The following TXLNG variants were observed in gnomAD, a reference collection of about 807,000 sequenced individuals.
TXLNG encodes the protein gamma-taxilin.
In TXLNG, 5 loss-of-function variants were observed where a neutral mutation model predicts 38.8. The ratio of observed to expected loss-of-function variants is 0.13; its 90% CI spans 0.07 to 0.27. The LOEUF is 0.27. Ranked by LOEUF, TXLNG falls within the 10% of genes least tolerant of loss-of-function variation. The pLI is 1.00. For synonymous variants in TXLNG, 182 were observed against 158.2 expected (o/e 1.15, Z -1.13); for missense variants, 393 against 398.2 (o/e 0.99, Z 0.11).
rs913889038 is a variant in TXLNG, at chrX:16,786,664, T to C, written c.102+75T>C. On this transcript the variant is annotated intron_variant, in intron 1 of 9. Transcript: ENST00000380122. ...GCTCCCTTTTTCAGGGTCCACCTCT[T>C]CTCTCTCCCTGGTTACCTATAGCCA... The C allele has an allele frequency of 5.1e-5, 37 of 718,972 alleles. No homozygotes were observed. The African/African-American group carries it at 7.9e-4, about 15-fold the overall frequency. 59.3% of individuals were successfully genotyped at this position (718,972 alleles called of 1,213,427 possible).
chrX:16,841,616 C>G lies in TXLNG; in HGVS notation c.1437C>G (p.Pro479=), dbSNP rs1929832311. ...ATTTAGCAACACCTGTGATGCAGCCCTGTACTGCCCTGGATTCTCACAAGG... is the reference window on the plus strand; with the variant it reads ...ATTTAGCAACACCTGTGATGCAGCCGTGTACTGCCCTGGATTCTCACAAGG... ...NRDLATPVMQ[P]CTALDSHKEL... is the part of the protein sequence containing the mutation. The change falls in exon 10 of 10, where the codon CCC becomes CCG. Residue 479 remains proline, a synonymous_variant. Coordinates refer to ENST00000380122, the MANE Select transcript of TXLNG (RefSeq NM_018360.3). 8.3e-7 allele frequency: 1 copy of G among 1,209,595 alleles called. No homozygotes were observed. Among genetic ancestry groups the G allele is most frequent in the Admixed American group, 2.2e-5 (1 of 45,687 alleles).
At chrX:16,821,408 G>A (rs1193202823) in intron 3 of TXLNG, among the ~76,000 whole-genome samples, 1 of 111,680 alleles carries the variant, frequency 9.0e-6, no homozygotes, top group Non-Finnish European at 1.9e-5. Flanking sequence ...CAAAGTTCTG[G>A]CATTACAGGC....
chrX:16,806,916 CAAAA>C (rs1182577038), intron 1 of TXLNG, among the ~76,000 whole-genome samples: 1 of 38,919 alleles, frequency 2.6e-5, no homozygotes, highest in Non-Finnish European at 4.7e-5. Context: ...GACTCTGTCT[CAAAA>C]AAAAAAAAAA....
intron 3 of TXLNG, among the ~76,000 whole-genome samples, chrX:16,826,355 T>G (rs1261204799): frequency 3.6e-5 from 4 of 112,377 alleles, no homozygotes; most frequent in Non-Finnish European, 7.5e-5. Context: ...TGATATGTTT[T>G]GGTAGGCCAC....
At chrX:16,812,408 T>G (rs1452953247) in intron 1 of TXLNG, among the ~76,000 whole-genome samples, 3 of 106,254 alleles carry the variant, frequency 2.8e-5, no homozygotes, top group African/African-American at 1.0e-4. Flanking sequence ...TTTTTTTTTT[T>G]TTTGTGAGAC....
rs1929877500 is a variant in TXLNG at position 16,842,160 on chromosome X, C to G, written c.*394C>G. 9.1e-6 allele frequency: 1 copy of G among 110,020 alleles called. No homozygotes were observed. Among genetic ancestry groups the G allele is most frequent in the African/African-American group, 3.5e-5 (1 of 28,800 alleles). 9.1% of individuals were successfully genotyped at this position (110,020 alleles called of 1,213,427 possible). A position where few individuals can be genotyped will look rare whatever the true frequency, so the allele number is the denominator to read the frequency against. The stretch of plus-strand genomic sequence containing the variant: ...AATTTAAACGTCTTAGCCCCCCCCC[C>G]CATAATATTATTCAGAAAAACAAAA... On this transcript the variant is annotated 3_prime_UTR_variant, in exon 10 of 10. Coordinates refer to ENST00000380122, the MANE Select transcript of TXLNG (RefSeq NM_018360.3).
intron 1 of TXLNG, among the ~76,000 whole-genome samples, chrX:16,796,236 C>T (rs1241424282): frequency 1.2e-4 from 13 of 110,156 alleles, no homozygotes; most frequent in Non-Finnish European, 1.9e-4. Context: ...CTCCTGGGCT[C>T]GAGGGATCCT....
At chrX:16,811,071 A>G (rs142669592) in intron 1 of TXLNG, among the ~76,000 whole-genome samples, 58 of 111,751 alleles carry the variant, frequency 5.2e-4, no homozygotes, top group African/African-American at 1.5e-3. Flanking sequence ...TATGCTCCCC[A>G]TCAGTTGGCA....
chrX:16,787,049 C>A (rs759013007), intron 1 of TXLNG, among the ~76,000 whole-genome samples: 1 of 113,116 alleles, frequency 8.8e-6, no homozygotes, highest in Non-Finnish European at 1.9e-5. Context: ...GCAGGGCGCG[C>A]TGCGGGGTGC....
At chrX:16,834,904 G>T (rs1410391933) in intron 7 of TXLNG, among the ~76,000 whole-genome samples, 1 of 111,207 alleles carries the variant, frequency 9.0e-6, no homozygotes, top group African/African-American at 3.3e-5. Context: ...GCTGGGTGTG[G>T]TGGCACGCCT....
chrX:16,829,547 T>C (rs1442547895), intron 4 of TXLNG, 29 bp from the exon 5 acceptor site: 2 of 1,194,768 alleles, frequency 1.7e-6, no homozygotes, highest in Non-Finnish European at 2.3e-6. Context: ...AGGTCTGTAT[T>C]ATTAACAAAA....
intron 1 of TXLNG, among the ~76,000 whole-genome samples, chrX:16,793,113 G>A (rs7877889): frequency 0.42 from 44,799 of 106,033 alleles, 8,566 homozygotes; most frequent in Non-Finnish European, 0.59. Context: ...AAAAAAAAAA[G>A]TATACAATAA....
rs188414090 is a variant in TXLNG at position 16,790,667 on chromosome X, G to C, written c.102+4078G>C. ...TGGAAGGATAATACAAGGTACCTAG[G>C]CCCAAATTAACAAAATCTTGCATTT... On this transcript the variant is annotated intron_variant, in intron 1 of 9. Coordinates refer to ENST00000380122, the MANE Select transcript of TXLNG (RefSeq NM_018360.3). Among the ~76,000 whole-genome samples, 120 of 111,732 alleles carry C rather than the reference G, an allele frequency of 1.1e-3. 1 individual carries two copies. Among genetic ancestry groups the C allele is most frequent in the African/African-American group, 3.9e-3 (120 of 30,753 alleles).
intron 1 of TXLNG, among the ~76,000 whole-genome samples, chrX:16,799,040 C>T (rs931615457): frequency 2.7e-5 from 3 of 110,243 alleles, no homozygotes; most frequent in Non-Finnish European, 5.7e-5. Context: ...CCACCACGCC[C>T]GGCTAATTTT....
At chrX:16,838,786 CAG>C (rs762168086) in intron 8 of TXLNG, among the ~76,000 whole-genome samples, 12 of 111,993 alleles carry the variant, frequency 1.1e-4, no homozygotes, top group Admixed American at 1.9e-4. Flanking sequence ...TGAGGTGGAA[CAG>C]AGAGTTCCCG....
At chrX:16,834,681 C>G (rs1045223418) in intron 7 of TXLNG, among the ~76,000 whole-genome samples, 1 of 111,590 alleles carries the variant, frequency 9.0e-6, no homozygotes, top group Non-Finnish European at 1.9e-5. Context: ...TAATTCCTCC[C>G]TTTTTCAGTC....
chrX:16,800,065 G>A (rs947823247), intron 1 of TXLNG, among the ~76,000 whole-genome samples: 8 of 107,559 alleles, frequency 7.4e-5, no homozygotes, highest in Non-Finnish European at 1.2e-4. Context: ...TCAGCCTCCC[G>A]AGTAGCTGGG....
chrX:16,821,832 T>C (rs564902545), intron 3 of TXLNG, among the ~76,000 whole-genome samples: 1 of 101,182 alleles, frequency 9.9e-6, no homozygotes, highest in Non-Finnish European at 2.0e-5. Flanking sequence ...CTACTAAAAA[T>C]ACAAAAAAAA....
Position 16,823,287 on chromosome X carries a change from C to T in TXLNG, c.498+3032C>T, listed in dbSNP as rs113977928. On this transcript the variant is annotated intron_variant, in intron 3 of 9. Transcript: ENST00000380122. ...CAGCCTTACCAACATGGAGAAACCC[C>T]GTCTCTACTAAAAATACAAAATTTG... Among the ~76,000 whole-genome samples, 6 of 108,265 alleles carry T rather than the reference C, an allele frequency of 5.5e-5. 1 individual carries two copies. The East Asian group carries it at 1.5e-3, about 26-fold the overall frequency. 94.0% of individuals were successfully genotyped at this position (108,265 alleles called of 115,157 possible).
Sources: allele counts gnomAD v4.1 joint callset (sites outside exome capture counted in the v4.1 genomes callset), GRCh38; gene constraint gnomAD v4.1.1; transcripts MANE v1.5; gene names NCBI Gene and HGNC (gene_info 2026-07-23, HGNC 2026-07-21).